Variants in KCND2 observed in about 807,000 individuals in gnomAD.
KCND2 encodes potassium voltage-gated channel subfamily D member 2, also known as A-type voltage-gated potassium channel KCND2.
A neutral mutation model predicts 54.4 loss-of-function variants in KCND2; 16 were observed. The observed-to-expected ratio is 0.29, with a 90% CI of 0.20 to 0.45. The LOEUF (loss-of-function observed/expected upper bound fraction) is 0.45. KCND2 is among the 20% of genes least tolerant of loss of function. The probability of loss-of-function intolerance (pLI) is 1.00; values close to 1 mark genes in which losing one functional copy is unlikely to be tolerated. For synonymous variants in KCND2, 317 were observed against 310.7 expected, an observed-to-expected ratio of 1.02 and a Z score of -0.21; for missense variants, 486 against 824.2, an observed-to-expected ratio of 0.59 and a Z score of 5.02.
chr7:120,432,952 A>G (rs964450188), intron 1 of KCND2, among the ~76,000 whole-genome samples: 4 of 152,034 alleles, frequency 2.6e-5, no homozygotes, highest in Non-Finnish European at 5.9e-5. Flanking sequence ...TGCAAGGCCA[A>G]ATCTCAACTC....
At chr7:120,345,670 G>C (rs567664423) in intron 1 of KCND2, among the ~76,000 whole-genome samples, 2 of 152,156 alleles carry the variant, frequency 1.3e-5, no homozygotes, top group Admixed American at 1.3e-4. Flanking sequence ...GATTATTCTT[G>C]TTGTAGCATG....
intron 1 of KCND2, among the ~76,000 whole-genome samples, chr7:120,452,164 A>C (rs887758428): frequency 2.6e-5 from 4 of 152,220 alleles, no homozygotes; most frequent in African/African-American, 7.2e-5. Flanking sequence ...AAGAGCTATC[A>C]AGCGTAGTGA....
chr7:120,706,711 T>A (rs1319625894), intron 1 of KCND2, among the ~76,000 whole-genome samples: 1 of 152,158 alleles, frequency 6.6e-6, no homozygotes, highest in East Asian at 1.9e-4. Flanking sequence ...TACAACAAAT[T>A]ACACATTTTA....
intron 1 of KCND2, among the ~76,000 whole-genome samples, chr7:120,399,424 A>G (rs1186284090): frequency 6.6e-6 from 1 of 151,822 alleles, no homozygotes; most frequent in Non-Finnish European, 1.5e-5. Flanking sequence ...TTGAGAAAAT[A>G]TAGGTTTTAC....
chr7:120,334,801 G>A (rs1800120946), intron 1 of KCND2, among the ~76,000 whole-genome samples: 1 of 152,164 alleles, frequency 6.6e-6, no homozygotes, highest in Admixed American at 6.5e-5. Flanking sequence ...AAAATATAAT[G>A]AGTCTTCTTA....
intron 1 of KCND2, among the ~76,000 whole-genome samples, chr7:120,364,994 G>GA: frequency 6.6e-6 from 1 of 151,864 alleles, no homozygotes; most frequent in East Asian, 1.9e-4. Context: ...ATTGTAAAAA[G>GA]AAAAATGTTA....
intron 1 of KCND2, among the ~76,000 whole-genome samples, chr7:120,348,336 C>T (rs1306855715): frequency 3.3e-5 from 5 of 152,060 alleles, no homozygotes; most frequent in Non-Finnish European, 7.4e-5. Context: ...TGACTTGAAG[C>T]CCTTTCATGA....
chr7:120,468,460 C>T (rs1463661586), intron 1 of KCND2, among the ~76,000 whole-genome samples: 1 of 151,980 alleles, frequency 6.6e-6, no homozygotes, highest in African/African-American at 2.4e-5. Flanking sequence ...GATGTAGACC[C>T]GTGGCATTCC....
chr7:120,695,765 T>C (rs1792325708), intron 1 of KCND2, among the ~76,000 whole-genome samples: 1 of 152,224 alleles, frequency 6.6e-6, no homozygotes, highest in Admixed American at 6.5e-5. Context: ...TATTGATTTA[T>C]TTATTTTTTA....
chr7:120,307,090 T>C (rs1181264381), intron 1 of KCND2, among the ~76,000 whole-genome samples: 1 of 152,062 alleles, frequency 6.6e-6, no homozygotes, highest in African/African-American at 2.4e-5. Context: ...CTGTGTTAGA[T>C]TACAAGTAGA....
At chr7:120,453,034 T>C (rs1802139827) in intron 1 of KCND2, among the ~76,000 whole-genome samples, 1 of 152,156 alleles carries the variant, frequency 6.6e-6, no homozygotes, top group South Asian at 2.1e-4. Flanking sequence ...TGACTATGCC[T>C]GACCATTGGA....
At chr7:120,553,750 T>C (rs561808892) in intron 1 of KCND2, among the ~76,000 whole-genome samples, 2 of 152,296 alleles carry the variant, frequency 1.3e-5, no homozygotes, top group African/African-American at 4.8e-5. Flanking sequence ...CTCATAATAC[T>C]TATTGGCTGA....
At chr7:120,599,356 T>G (rs950308752) in intron 1 of KCND2, among the ~76,000 whole-genome samples, 3 of 152,038 alleles carry the variant, frequency 2.0e-5, no homozygotes, top group Non-Finnish European at 4.4e-5. Context: ...TAAAATTATT[T>G]GTCTCAAAAA....
chr7:120,353,081 G>A (rs370374969), intron 1 of KCND2, among the ~76,000 whole-genome samples: 3 of 141,772 alleles, frequency 2.1e-5, no homozygotes, highest in African/African-American at 7.8e-5. Flanking sequence ...AGATAATACT[G>A]TATATGAATT....
intron 1 of KCND2, among the ~76,000 whole-genome samples, chr7:120,352,921 T>C (rs1800436694): frequency 6.6e-6 from 1 of 152,006 alleles, no homozygotes; most frequent in Non-Finnish European, 1.5e-5. Flanking sequence ...AAGAAGATCA[T>C]ATTCTAGGAG....
At chr7:120,524,501 T>A (rs1174960614) in intron 1 of KCND2, among the ~76,000 whole-genome samples, 1 of 152,202 alleles carries the variant, frequency 6.6e-6, no homozygotes, top group Non-Finnish European at 1.5e-5. Flanking sequence ...TAGCCATTAT[T>A]TGTTTAAAAT....
intron 1 of KCND2, among the ~76,000 whole-genome samples, chr7:120,645,196 C>T (rs1441721616): frequency 1.3e-5 from 2 of 152,196 alleles, no homozygotes; most frequent in East Asian, 1.9e-4. Context: ...CTATAAAAGC[C>T]TGCGTATAAG....
chr7:120,745,745 C>A lies in KCND2; in HGVS notation c.1468-35C>A, dbSNP rs781090457. The A allele has an allele frequency of 1.9e-6, 3 of 1,612,062 alleles. No homozygotes were observed. In the Admixed American group the frequency reaches 5.0e-5, roughly 27 times the overall value. ...GTATTTCGTTTTTAAAAATGTGCTT[C>A]TCTGTTTCTTCATTTACTTACAACT... On this transcript the variant is annotated intron_variant, in intron 4 of 5. Transcript: ENST00000331113.
At chr7:120,513,683 G>T (rs558797450) in intron 1 of KCND2, among the ~76,000 whole-genome samples, 1 of 151,914 alleles carries the variant, frequency 6.6e-6, no homozygotes, top group East Asian at 1.9e-4. Flanking sequence ...TGTTGATTTC[G>T]TTTTTTGTTT....
Sources: gnomAD v4.1 joint callset for allele counts (sites outside exome capture counted in the v4.1 genomes callset) on GRCh38, gnomAD v4.1.1 for gene constraint, MANE v1.5 for transcripts, NCBI Gene and HGNC (gene_info 2026-07-23, HGNC 2026-07-21) for gene names.